ASTN2: variants seen among roughly 807,000 people sequenced by gnomAD.
ASTN2 encodes astrotactin-2.
In ASTN2, 54 loss-of-function variants were observed where a neutral mutation model predicts 139.8. The ratio of observed to expected loss-of-function variants is 0.39; its 90% CI spans 0.31 to 0.48. The LOEUF is 0.48. ASTN2 is among the 20% of genes least tolerant of loss of function. The pLI is 0.95. For synonymous variants in ASTN2, 756 were observed against 719.5 expected (o/e 1.05, Z -0.81); for missense variants, 1,565 against 1,725.1 (o/e 0.91, Z 1.64).
intron 16 of ASTN2, chr9:116,700,071 C>T: frequency 3.1e-6 from 1 of 319,148 alleles, no homozygotes; most frequent in Non-Finnish European, 6.2e-6. Flanking sequence ...GGCTTTGATG[C>T]CCTTGATCCA....
At chr9:117,214,851 A>G (rs1832261363) in intron 2 of ASTN2, 109 bp from the exon 3 acceptor site, 1 of 1,232,258 alleles carries the variant, frequency 8.1e-7, no homozygotes, top group Non-Finnish European at 1.0e-6. Context: ...GGTTTGGCTC[A>G]TAGAGCCTCA....
At chr9:116,787,371 C>T (rs1588292716) in intron 13 of ASTN2, among the ~76,000 whole-genome samples, 1 of 152,266 alleles carries the variant, frequency 6.6e-6, no homozygotes, top group Non-Finnish European at 1.5e-5. Flanking sequence ...AGTTTCTTGC[C>T]AGTTTTACAA....
At chr9:117,331,279 C>T (rs1051036583) in intron 1 of ASTN2, among the ~76,000 whole-genome samples, 3 of 152,090 alleles carry the variant, frequency 2.0e-5, no homozygotes, top group Non-Finnish European at 4.4e-5. Flanking sequence ...CCCGAGGTTT[C>T]CTGCCTTCCT....
rs572572054 is a variant in ASTN2, at chr9:117,292,269, C to T, written c.443-756G>A. ...GAAGTTTCTAACTCTTATCTCTATG[C>T]TGGTTTTCCTTCTGTAAATACTTTT... On this transcript the variant is annotated intron_variant, in intron 1 of 22. Transcript: ENST00000313400. Among the ~76,000 whole-genome samples the T allele has an allele frequency of 4.6e-5, 7 of 152,248 alleles. No individual in the cohort carries two copies. The East Asian group carries it at 1.4e-3, about 29-fold the overall frequency.
chr9:116,576,381 A>G (rs1344349607), intron 19 of ASTN2, among the ~76,000 whole-genome samples: 2 of 152,314 alleles, frequency 1.3e-5, no homozygotes, highest in East Asian at 3.9e-4. Context: ...AAATCTGGTA[A>G]GCAGTAGCTG....
At chr9:116,445,326 C>A (rs1230076370) in intron 20 of ASTN2, among the ~76,000 whole-genome samples, 1 of 152,038 alleles carries the variant, frequency 6.6e-6, no homozygotes, top group African/African-American at 2.4e-5. Context: ...TATAAAAGCA[C>A]TTATTTGTGC....
chr9:117,277,165 T>C (rs1043180268), intron 2 of ASTN2: 2 of 152,336 alleles, frequency 1.3e-5, no homozygotes, highest in South Asian at 2.1e-4. Context: ...GACTGTTTTT[T>C]GGTCAAGGGC....
Position 116,555,218 on chromosome 9 carries a change from C to T in ASTN2, c.3355+63106G>A, listed in dbSNP as rs563379916. 7.9e-5 allele frequency among the ~76,000 whole-genome samples: 12 copies of T among 152,312 alleles called. No individual in the cohort carries two copies. In the South Asian group the frequency reaches 2.5e-3, roughly 32 times the overall value. ...AGGCCACAGAAAACAGCCCACACTG[C>T]CCAGAGGCCACCCCAGCAAGAGGCT... On this transcript the variant is annotated intron_variant, in intron 19 of 22. Coordinates refer to ENST00000313400, the MANE Select transcript of ASTN2 (RefSeq NM_001365068.1).
intron 22 of ASTN2, among the ~76,000 whole-genome samples, chr9:116,429,600 C>T (rs576789664): frequency 4.1e-4 from 63 of 152,276 alleles, no homozygotes; most frequent in African/African-American, 1.5e-3. Flanking sequence ...TAGAAAGTAT[C>T]ATCACCATTA....
intron 11 of ASTN2, among the ~76,000 whole-genome samples, chr9:116,840,139 T>G (rs1832164045): frequency 6.7e-6 from 1 of 148,334 alleles, no homozygotes; most frequent in Non-Finnish European, 1.5e-5. Flanking sequence ...CCGCCCTTAA[T>G]CCATTCAACC....
chr9:117,152,664 A>T (rs1537526), intron 3 of ASTN2, among the ~76,000 whole-genome samples: 1 of 152,100 alleles, frequency 6.6e-6, no homozygotes, highest in South Asian at 2.1e-4. Context: ...AAACTGTTAC[A>T]TGCCAGAAAA....
chr9:117,308,749 A>C (rs1827861210), intron 1 of ASTN2, among the ~76,000 whole-genome samples: 1 of 152,140 alleles, frequency 6.6e-6, no homozygotes, highest in Admixed American at 6.5e-5. Flanking sequence ...CAGCTTTAAA[A>C]GGTGGTCTAG....
At chr9:116,435,432 G>T (rs1225339507) in intron 22 of ASTN2, among the ~76,000 whole-genome samples, 2 of 152,178 alleles carry the variant, frequency 1.3e-5, no homozygotes, top group Non-Finnish European at 2.9e-5. Flanking sequence ...ATAAACTTGT[G>T]AACAGAACTC....
At chr9:117,269,670 G>A (rs17403578) in intron 2 of ASTN2, among the ~76,000 whole-genome samples, 4,567 of 152,268 alleles carry the variant, frequency 0.03, 109 homozygotes, top group Non-Finnish European at 0.044. Context: ...GGCCCCGTGC[G>A]AATCATCATC....
rs1268988852 is a variant in ASTN2 at position 116,511,169 on chromosome 9, T to C, written c.3356-23669A>G. On this transcript the variant is annotated intron_variant, in intron 19 of 22. Coordinates refer to ENST00000313400, the MANE Select transcript of ASTN2 (RefSeq NM_001365068.1). ...ATAGATAGCTCTTATTATTTTGAGA[T>C]ACGTCCGATCAATACCTAACTTATT... Among the ~76,000 whole-genome samples, 7 of 152,306 alleles carry C rather than the reference T, an allele frequency of 4.6e-5. No individual in the cohort carries two copies. In the East Asian group the frequency reaches 1.3e-3, roughly 29 times the overall value.
chr9:117,180,822 C>T, intron 3 of ASTN2: 7 of 1,545,456 alleles, frequency 4.5e-6, no homozygotes, highest in Non-Finnish European at 6.2e-6. Context: ...CAACATTGAA[C>T]TTGGTGAAGC....
chr9:117,102,841 CT>C (rs995407727), intron 4 of ASTN2, among the ~76,000 whole-genome samples: 1 of 151,688 alleles, frequency 6.6e-6, no homozygotes, highest in Non-Finnish European at 1.5e-5. Context: ...TTAATTTTAT[CT>C]TATGTGAATT....
At chr9:116,804,991 C>T (rs1830991919) in intron 13 of ASTN2, among the ~76,000 whole-genome samples, 1 of 151,914 alleles carries the variant, frequency 6.6e-6, no homozygotes, top group Admixed American at 6.6e-5. Flanking sequence ...TTTCAACTGT[C>T]CAAAAACCCT....
chr9:116,564,411 A>C (rs1315861524), intron 19 of ASTN2, among the ~76,000 whole-genome samples: 1 of 152,156 alleles, frequency 6.6e-6, no homozygotes, highest in African/African-American at 2.4e-5. Context: ...TCCCCACCCT[A>C]AACATCTCAT....
Sources: allele counts gnomAD v4.1 joint callset (sites outside exome capture counted in the v4.1 genomes callset), GRCh38; gene constraint gnomAD v4.1.1; transcripts MANE v1.5; gene names NCBI Gene and HGNC (gene_info 2026-07-23, HGNC 2026-07-21).